Variants in PXDN observed in about 807,000 individuals in gnomAD.
The protein encoded by PXDN is peroxidasin.
In PXDN, 77 loss-of-function variants were observed where a neutral mutation model predicts 140.3. The ratio of observed to expected loss-of-function variants is 0.55; its 90% confidence interval spans 0.46 to 0.66. The LOEUF (loss-of-function observed/expected upper bound fraction) is 0.66. Among genes scored for constraint, PXDN ranks in the 30% least tolerant of loss-of-function variants. PXDN has a pLI of 0.00. For missense variants in PXDN, 1,838 were observed against 2,039.5 expected (o/e 0.90, Z 1.90); for synonymous variants, 911 against 857.4 (o/e 1.06, Z -1.09).
intron 22 of PXDN, among the ~76,000 whole-genome samples, chr2:1,634,617 C>T (rs888366169): frequency 6.6e-6 from 1 of 152,202 alleles, no homozygotes; most frequent in African/African-American, 2.4e-5. Flanking sequence ...GCCAAGACCA[C>T]CAGCTGGACA....
At chr2:1,688,978 C>A (rs1232441856) in intron 3 of PXDN, among the ~76,000 whole-genome samples, 2 of 152,148 alleles carry the variant, frequency 1.3e-5, no homozygotes, top group African/African-American at 4.8e-5. Flanking sequence ...CTCACGTCCT[C>A]CCTCCCTGCG....
chr2:1,655,445 A>C (rs780638343), intron 14 of PXDN, among the ~76,000 whole-genome samples: 22 of 151,782 alleles, frequency 1.4e-4, no homozygotes, highest in Non-Finnish European at 1.9e-4. Flanking sequence ...ACAAACACAC[A>C]TACACCACAC....
intron 1 of PXDN, among the ~76,000 whole-genome samples, chr2:1,717,881 TA>T (rs996181438): frequency 6.8e-6 from 1 of 146,232 alleles, no homozygotes; most frequent in African/African-American, 2.6e-5. Flanking sequence ...ACTAACCACC[TA>T]CCCAAACCTG....
At chr2:1,652,146 C>T (rs1250763022) in intron 16 of PXDN, among the ~76,000 whole-genome samples, 3 of 152,188 alleles carry the variant, frequency 2.0e-5, no homozygotes, top group Non-Finnish European at 4.4e-5. Flanking sequence ...CAATTCCTCA[C>T]AAGGAACAGC....
intron 1 of PXDN, among the ~76,000 whole-genome samples, chr2:1,708,473 T>C (rs1034402906): frequency 5.3e-5 from 8 of 152,132 alleles, no homozygotes; most frequent in African/African-American, 1.7e-4. Context: ...AGCCTCTTCC[T>C]GACTAGAATG....
At chr2:1,727,048 G>A (rs1016118953) in intron 1 of PXDN, among the ~76,000 whole-genome samples, 7 of 152,282 alleles carry the variant, frequency 4.6e-5, no homozygotes, top group Admixed American at 2.0e-4. Context: ...ACATAGGTCT[G>A]GTCGGTTAGA....
At chr2:1,708,616 A>G (rs1257512796) in intron 1 of PXDN, among the ~76,000 whole-genome samples, 2 of 152,192 alleles carry the variant, frequency 1.3e-5, no homozygotes, top group African/African-American at 4.8e-5. Context: ...TCACGCACCC[A>G]GAACCCCCGA....
chr2:1,706,786 G>A (rs960569596), intron 1 of PXDN, among the ~76,000 whole-genome samples: 1 of 127,832 alleles, frequency 7.8e-6, no homozygotes, highest in Non-Finnish European at 1.6e-5. Flanking sequence ...ACACTTCAGT[G>A]ATCACCAATC....
chr2:1,740,577 T>C (rs1398580819), intron 1 of PXDN, among the ~76,000 whole-genome samples: 1 of 151,728 alleles, frequency 6.6e-6, no homozygotes, highest in Non-Finnish European at 1.5e-5. Flanking sequence ...GGTGGGCTGG[T>C]CCACTCAGTC....
chr2:1,662,241 A>C, intron 12 of PXDN, 57 bp from the exon 13 acceptor site: 1 of 1,442,438 alleles, frequency 6.9e-7, no homozygotes, highest in East Asian at 2.5e-5. Context: ...AAAAAACTTC[A>C]GAAGAACAAA....
chr2:1,680,013 TG>T (rs1683849768), intron 7 of PXDN, among the ~76,000 whole-genome samples, 179 bp downstream of exon 7: 1 of 149,700 alleles, frequency 6.7e-6, no homozygotes, highest in Non-Finnish European at 1.5e-5. Flanking sequence ...TGTGTGTGGA[TG>T]GTGTATGCGT....
At chr2:1,738,330 G>A (rs1685464151) in intron 1 of PXDN, among the ~76,000 whole-genome samples, 1 of 152,140 alleles carries the variant, frequency 6.6e-6, no homozygotes, top group Non-Finnish European at 1.5e-5. Context: ...CCCTGAGTAG[G>A]AGCGGGGAAG....
intron 9 of PXDN, chr2:1,671,939 C>A (rs1374330870): frequency 3.9e-5 from 6 of 152,204 alleles, no homozygotes; most frequent in African/African-American, 9.7e-5. Context: ...GACAATGACG[C>A]CTGAATTTCC....
At chr2:1,653,560 C>G (rs201386728) in intron 16 of PXDN, 68 bp downstream of exon 16, 1 of 1,567,736 alleles carries the variant, frequency 6.4e-7, no homozygotes, top group Non-Finnish European at 8.7e-7. Flanking sequence ...AGGAATGTGA[C>G]TTAACTGAGG....
Position 1,662,075 on chromosome 2 carries a change from G to T in PXDN, c.1677C>A (p.Asn559Lys), listed in dbSNP as rs1300918968. Residue 559 changes from asparagine (N) to lysine (K), a missense_variant, in exon 13 of 23, where the codon AAC becomes AAA. This residue lies in a region of PXDN where 537 missense variants were observed against 583.9 expected (regional missense o/e 0.92). Transcript: ENST00000252804. ...GCTCGGGCACCAGACCGCCTACCTTGTTCCAGGTGATGGCTGGCTCGGGCT... is the reference window on the plus strand; with the variant it reads ...GCTCGGGCACCAGACCGCCTACCTTTTTCCAGGTGATGGCTGGCTCGGGCT... ...QGEPEPAITW[N>K]KDGVQVTESG... is the part of the protein sequence containing the mutation. 6.3e-7 allele frequency: 1 copy of T among 1,589,312 alleles called. No homozygotes were observed. The highest frequency in any genetic ancestry group is 8.6e-7 in the Non-Finnish European group (1 of 1,167,924).
chr2:1,692,553 G>A, intron 2 of PXDN: 1 of 471,974 alleles, frequency 2.1e-6, no homozygotes. Flanking sequence ...TCCTGGTGCA[G>A]AAGGGAACCA....
chr2:1,684,295 A>C, intron 4 of PXDN, 144 bp from the exon 5 acceptor site: 1 of 663,940 alleles, frequency 1.5e-6, no homozygotes, highest in Non-Finnish European at 2.6e-6. Flanking sequence ...TGTATGAACA[A>C]TACATAAAAT....
rs765478156 is a variant in PXDN at position 1,660,963 on chromosome 2, G to T, written c.1755C>A (p.Gly585=). 6.2e-6 allele frequency: 10 copies of T among 1,613,888 alleles called. No homozygotes were observed. In the African/African-American group the frequency reaches 1.2e-4, roughly 19 times the overall value. The change falls in exon 14 of 23, where the codon GGC becomes GGA. Residue 585 remains glycine, a synonymous_variant. Coordinates refer to ENST00000252804, the MANE Select transcript of PXDN (RefSeq NM_012293.3). This position sits in a 1 kb window ranked among gnomAD's most constrained non-coding sequence, Gnocchi z 4.6. ...ACTCATAGCGACCTGCGTCTGCAGGGCCAACGTCATTGATGGTCAAGAATC... is the reference window on the plus strand; with the variant it reads ...ACTCATAGCGACCTGCGTCTGCAGGTCCAACGTCATTGATGGTCAAGAATC... ...PEGFLTINDV[G]PADAGRYECV...
At chr2:1,724,313 T>TG (rs1491553910) in intron 1 of PXDN, among the ~76,000 whole-genome samples, 359 of 15,648 alleles carry the variant, frequency 0.023, 1 homozygote, top group African/African-American at 0.036. Flanking sequence ...TGAATTTCCG[T>TG]TTTTTTTTTT....
Sources: allele counts gnomAD v4.1 joint callset (sites outside exome capture counted in the v4.1 genomes callset), GRCh38; gene constraint gnomAD v4.1.1; regional missense constraint gnomAD v4.1.1; non-coding constraint Gnocchi (gnomAD v3.1); transcripts MANE v1.5; gene names NCBI Gene and HGNC (gene_info 2026-07-23, HGNC 2026-07-21).